The following CES5A variants were observed in gnomAD, a reference collection of about 807,000 sequenced individuals.
The protein encoded by CES5A is carboxylesterase 5A, also known as carboxylesterase 5.
Under a neutral mutation model 62.9 loss-of-function variants are expected in CES5A, and 67 were observed. The observed-to-expected ratio is 1.07, with a 90% CI of 0.88 to 1.31. The LOEUF is 1.31. Among genes scored for constraint, CES5A ranks in the 50% most tolerant of loss-of-function variants. The probability of loss-of-function intolerance (pLI) is 0.00; values close to 1 mark genes in which losing one functional copy is unlikely to be tolerated. For missense variants in CES5A, 748 were observed against 708.5 expected (o/e 1.06, Z -0.63); for synonymous variants, 296 against 280.8 (o/e 1.05, Z -0.54).
chr16:55,853,500 T>G (rs757471298), intron 9 of CES5A, among the ~76,000 whole-genome samples: 14 of 152,238 alleles, frequency 9.2e-5, no homozygotes, highest in Non-Finnish European at 1.3e-4. Flanking sequence ...AGAACATCCA[T>G]GAAACCAGCC....
intron 1 of CES5A, among the ~76,000 whole-genome samples, chr16:55,909,211 G>A (rs1214163808): frequency 1.3e-5 from 2 of 152,276 alleles, no homozygotes; most frequent in South Asian, 4.2e-4. Context: ...AACTTGGGAA[G>A]CCAGGGTGAA....
intron 1 of CES5A, among the ~76,000 whole-genome samples, chr16:55,892,559 A>G (rs2033891577): frequency 6.6e-6 from 1 of 152,216 alleles, no homozygotes; most frequent in South Asian, 2.1e-4. Flanking sequence ...TACCACATAA[A>G]AAATGCCTAG....
At position 55,944,364 on chromosome 16, in the gene CES5A, T is replaced by C. The variant is rs755737271; in HGVS notation, c.160+5421A>G. The C allele has an allele frequency of 7.6e-5, 32 of 418,634 alleles. 1 individual carries two copies. The highest frequency in any genetic ancestry group is 6.4e-4 in the Middle Eastern group (1 of 1,552). The allele number at this position is 418,634 out of a possible 1,614,324, so 25.9% of individuals were successfully genotyped here. A position where few individuals can be genotyped will look rare whatever the true frequency, so the allele number is the denominator to read the frequency against. On this transcript the variant is annotated intron_variant, in intron 2 of 13. Transcript: ENST00000521992. Reference sequence around the variant, plus strand: ...GAACAGAATAAACTCTCTACCACCATTGGGGGCTCTCATTTTTGGGGAGAG... The same window carrying C: ...GAACAGAATAAACTCTCTACCACCACTGGGGGCTCTCATTTTTGGGGAGAG...
intron 1 of CES5A, among the ~76,000 whole-genome samples, chr16:55,891,017 T>C (rs1292868816): frequency 6.6e-6 from 1 of 152,102 alleles, no homozygotes; most frequent in African/African-American, 2.4e-5. Flanking sequence ...TGCTCCACCC[T>C]GACTCATTCC....
chr16:55,944,531 C>T (rs1346195637), intron 2 of CES5A: 1 of 157,330 alleles, frequency 6.4e-6, no homozygotes, highest in Non-Finnish European at 1.4e-5. Context: ...GCCAGGGGGC[C>T]GTCTGCTTTA....
At chr16:55,932,013 C>T (rs1422164319) in intron 2 of CES5A, among the ~76,000 whole-genome samples, 1 of 152,094 alleles carries the variant, frequency 6.6e-6, no homozygotes, top group Non-Finnish European at 1.5e-5. Context: ...GAGGGCTATG[C>T]CTTCATAAAT....
At chr16:55,848,889 A>C (rs1183203743) in intron 11 of CES5A, among the ~76,000 whole-genome samples, 1 of 152,176 alleles carries the variant, frequency 6.6e-6, no homozygotes, top group African/African-American at 2.4e-5. Flanking sequence ...ACCTAGGAGG[A>C]AGTTCTTTAT....
At chr16:55,883,833 C>T (rs2033786297) in intron 1 of CES5A, among the ~76,000 whole-genome samples, 1 of 152,182 alleles carries the variant, frequency 6.6e-6, no homozygotes, top group South Asian at 2.1e-4. Context: ...AACTGATGCA[C>T]CTGGGCACTA....
At chr16:55,934,541 T>G (rs535202823) in intron 2 of CES5A, among the ~76,000 whole-genome samples, 1 of 152,354 alleles carries the variant, frequency 6.6e-6, no homozygotes, top group Admixed American at 6.5e-5. Flanking sequence ...TGACCCATAG[T>G]AGATTCTCAG....
intron 3 of CES5A, among the ~76,000 whole-genome samples, 173 bp from the exon 4 acceptor site, chr16:55,869,917 G>C (rs778779897): frequency 8.5e-5 from 13 of 152,222 alleles, no homozygotes; most frequent in South Asian, 2.1e-4. Context: ...TCTGGCACCT[G>C]AGTGCCTCGA....
intron 1 of CES5A, among the ~76,000 whole-genome samples, chr16:55,903,932 T>C (rs575168819): frequency 6.6e-6 from 1 of 152,322 alleles, no homozygotes; most frequent in African/African-American, 2.4e-5. Flanking sequence ...GGGGAAAACG[T>C]TGCAAGAAGT....
chr16:55,945,442 G>A (rs1314891702), intron 2 of CES5A, among the ~76,000 whole-genome samples: 1 of 152,230 alleles, frequency 6.6e-6, no homozygotes, highest in East Asian at 1.9e-4. Flanking sequence ...AGGTACCAAG[G>A]GACCAGCAGA....
At chr16:55,863,944 A>G (rs1262902870) in intron 5 of CES5A, among the ~76,000 whole-genome samples, 16 of 151,926 alleles carry the variant, frequency 1.1e-4, no homozygotes, top group Non-Finnish European at 2.2e-4. Flanking sequence ...TTTAGCAGAG[A>G]CGGGATTTCA....
intron 1 of CES5A, among the ~76,000 whole-genome samples, chr16:55,889,609 A>C (rs2033853376): frequency 6.6e-6 from 1 of 151,028 alleles, no homozygotes; most frequent in African/African-American, 2.4e-5. Flanking sequence ...CCCACCCCTG[A>C]CCCTAAACCT....
intron 11 of CES5A, among the ~76,000 whole-genome samples, chr16:55,848,338 G>A (rs1402351256): frequency 1.2e-4 from 18 of 151,694 alleles, no homozygotes; most frequent in African/African-American, 3.6e-4. Context: ...AAACTGGTCT[G>A]GAACTCCTGG....
intron 1 of CES5A, among the ~76,000 whole-genome samples, chr16:55,899,467 C>G (rs577668258): frequency 6.6e-6 from 1 of 152,298 alleles, no homozygotes; most frequent in African/African-American, 2.4e-5. Context: ...CCTGGATTCA[C>G]ATGGTAGTGT....
chr16:55,919,873 T>C (rs554870279), intron 1 of CES5A, among the ~76,000 whole-genome samples: 1 of 152,278 alleles, frequency 6.6e-6, no homozygotes, highest in African/African-American at 2.4e-5. Flanking sequence ...ATGAGTTAAA[T>C]ACAGTGTGTC....
At chr16:55,900,187 C>T (rs185040913) in intron 1 of CES5A, among the ~76,000 whole-genome samples, 1 of 152,314 alleles carries the variant, frequency 6.6e-6, no homozygotes, top group East Asian at 1.9e-4. Flanking sequence ...TTCTTTCTCA[C>T]TTACTGCTGT....
At chr16:55,883,472 A>G (rs1473844808) in intron 1 of CES5A, among the ~76,000 whole-genome samples, 1 of 151,908 alleles carries the variant, frequency 6.6e-6, no homozygotes, top group Non-Finnish European at 1.5e-5. Context: ...ACAAGGTTTC[A>G]CCATGTTGGC....
Sources: allele counts gnomAD v4.1 joint callset (sites outside exome capture counted in the v4.1 genomes callset), GRCh38; gene constraint gnomAD v4.1.1; transcripts MANE v1.5; gene names NCBI Gene and HGNC (gene_info 2026-07-23, HGNC 2026-07-21).